Variants in PIK3CB observed in about 807,000 individuals in gnomAD.
The protein encoded by PIK3CB is phosphatidylinositol 4,5-bisphosphate 3-kinase catalytic subunit beta isoform.
PIK3CB carries 39 observed loss-of-function variants against 136.8 expected under a neutral mutation model. The ratio of observed to expected loss-of-function variants is 0.29; its 90% CI spans 0.22 to 0.37. PIK3CB has a LOEUF of 0.37. Ranked by LOEUF, PIK3CB falls within the 10% of genes least tolerant of loss-of-function variation. PIK3CB has a pLI of 1.00. For missense variants in PIK3CB, 868 were observed against 1,275.4 expected, an observed-to-expected ratio of 0.68 and a Z score of 4.87; for synonymous variants, 428 against 436.6, an observed-to-expected ratio of 0.98 and a Z score of 0.25.
chr3:138,802,305 A>T (rs1052424840), intron 1 of PIK3CB, among the ~76,000 whole-genome samples: 19 of 150,382 alleles, frequency 1.3e-4, no homozygotes, highest in African/African-American at 4.6e-4. Flanking sequence ...GCTTGAACCC[A>T]GGAGGTGGAG....
chr3:138,692,720 G>GA (rs2044034699), intron 14 of PIK3CB, among the ~76,000 whole-genome samples: 1 of 151,856 alleles, frequency 6.6e-6, no homozygotes, highest in Non-Finnish European at 1.5e-5. Flanking sequence ...ATTTTAAAAA[G>GA]AAAAAAGGAT....
At chr3:138,830,903 A>AAATAATAATAATAATAAT (rs373908245) in intron 1 of PIK3CB, among the ~76,000 whole-genome samples, 1 of 136,970 alleles carries the variant, frequency 7.3e-6, no homozygotes, top group Non-Finnish European at 1.5e-5. Flanking sequence ...CTCCGTCTCA[A>AAATAATAATAATAATAAT]AATAATAATA....
chr3:138,733,106 TAATA>T (rs2045022724), intron 8 of PIK3CB, among the ~76,000 whole-genome samples: 1 of 149,910 alleles, frequency 6.7e-6, no homozygotes, highest in African/African-American at 2.4e-5. Context: ...AAGAAATATG[TAATA>T]TATACTGGAA....
intron 1 of PIK3CB, among the ~76,000 whole-genome samples, chr3:138,823,846 TA>T (rs1201760400): frequency 3.9e-5 from 6 of 152,230 alleles, no homozygotes; most frequent in Non-Finnish European, 5.9e-5. Context: ...CTCATTCATT[TA>T]AGCAAGTAAA....
intron 10 of PIK3CB, among the ~76,000 whole-genome samples, chr3:138,711,787 T>G (rs2044505966): frequency 6.6e-6 from 1 of 151,856 alleles, no homozygotes; most frequent in Non-Finnish European, 1.5e-5. Flanking sequence ...GTACATTATT[T>G]GTTGGAAGTA....
chr3:138,686,475 T>A (rs2043895734), intron 16 of PIK3CB, among the ~76,000 whole-genome samples: 1 of 151,900 alleles, frequency 6.6e-6, no homozygotes, highest in Middle Eastern at 3.2e-3. Context: ...TAACAACAAA[T>A]AAAATTCAAC....
intron 4 of PIK3CB, among the ~76,000 whole-genome samples, chr3:138,744,488 G>A (rs1295376353): frequency 6.6e-6 from 1 of 150,802 alleles, no homozygotes; most frequent in Non-Finnish European, 1.5e-5. Context: ...TGAGGAGGAG[G>A]GGGAGAGGTT....
At chr3:138,777,574 T>C (rs1398106287) in intron 2 of PIK3CB, among the ~76,000 whole-genome samples, 1 of 152,166 alleles carries the variant, frequency 6.6e-6, no homozygotes, top group Non-Finnish European at 1.5e-5. Flanking sequence ...AAAGACAACC[T>C]GACTCTGGTG....
intron 4 of PIK3CB, among the ~76,000 whole-genome samples, chr3:138,747,854 G>T (rs1344007335): frequency 1.3e-5 from 2 of 152,104 alleles, no homozygotes; most frequent in African/African-American, 4.8e-5. Context: ...TATTGCTGAA[G>T]GATGGGTTGT....
intron 8 of PIK3CB, 63 bp downstream of exon 8, chr3:138,733,298 C>A: frequency 2.9e-6 from 2 of 683,954 alleles, no homozygotes; most frequent in African/African-American, 1.8e-5. Context: ...CATTATTGAG[C>A]ATATCAGTGA....
At chr3:138,745,784 G>T (rs1360671281) in intron 4 of PIK3CB, among the ~76,000 whole-genome samples, 1 of 152,158 alleles carries the variant, frequency 6.6e-6, no homozygotes, top group African/African-American at 2.4e-5. Context: ...TCCCTTCGAG[G>T]CTTGGGGGTT....
At chr3:138,662,554 T>C (rs2043318573) in intron 21 of PIK3CB, among the ~76,000 whole-genome samples, 4 of 149,700 alleles carry the variant, frequency 2.7e-5, no homozygotes, top group Admixed American at 1.3e-4. Context: ...CTATTGTGAA[T>C]AGTGCCGCAA....
At chr3:138,788,964 C>CAAAAAAAAAAAAAAA (rs57432821) in intron 2 of PIK3CB, among the ~76,000 whole-genome samples, 25 of 89,478 alleles carry the variant, frequency 2.8e-4, no homozygotes, top group African/African-American at 9.2e-4. Context: ...GACTTCGTCT[C>CAAAAAAAAAAAAAAA]AAAAAAAAAA....
chr3:138,805,348 C>T (rs1012976838), intron 1 of PIK3CB, among the ~76,000 whole-genome samples: 5 of 147,524 alleles, frequency 3.4e-5, no homozygotes, highest in Admixed American at 6.8e-5. Flanking sequence ...CAAACAACAA[C>T]AACAACAACA....
chr3:138,766,836 A>C (rs1287099789), intron 2 of PIK3CB, among the ~76,000 whole-genome samples: 2 of 152,258 alleles, frequency 1.3e-5, no homozygotes, highest in Non-Finnish European at 2.9e-5. Flanking sequence ...CAGAGGGAAT[A>C]CTGCAAGGTT....
At chr3:138,685,396 C>CAAAAAAAAAAAAA (rs398052626) in intron 16 of PIK3CB, among the ~76,000 whole-genome samples, 25 of 58,324 alleles carry the variant, frequency 4.3e-4, no homozygotes, top group African/African-American at 1.3e-3. Context: ...GAAACTGTCT[C>CAAAAAAAAAAAAA]AAAAAAAAAA....
At chr3:138,708,484 C>T (rs1047968185) in intron 10 of PIK3CB, among the ~76,000 whole-genome samples, 13 of 151,872 alleles carry the variant, frequency 8.6e-5, no homozygotes, top group Non-Finnish European at 1.8e-4. Flanking sequence ...TGGTCTTGAA[C>T]TCCTGAGCTC....
intron 1 of PIK3CB, among the ~76,000 whole-genome samples, chr3:138,816,453 G>A (rs985659295): frequency 1.3e-5 from 2 of 151,918 alleles, no homozygotes; most frequent in Admixed American, 6.6e-5. Context: ...AATTAACCGG[G>A]CATGGTGGCA....
intron 20 of PIK3CB, among the ~76,000 whole-genome samples, chr3:138,664,665 G>T (rs867583832): frequency 4.8e-4 from 73 of 152,126 alleles, no homozygotes; most frequent in Non-Finnish European, 2.2e-4. Context: ...TCCAAACATT[G>T]CATTTTTTAG....
Sources: gnomAD v4.1 joint callset for allele counts (sites outside exome capture counted in the v4.1 genomes callset) on GRCh38, gnomAD v4.1.1 for gene constraint, MANE v1.5 for transcripts, NCBI Gene and HGNC (gene_info 2026-07-23, HGNC 2026-07-21) for gene names.